The following ERC1 variants were observed in gnomAD, a reference collection of about 807,000 sequenced individuals.
The protein encoded by ERC1 is ELKS/RAB6-interacting/CAST family member 1, also known as RAB6 interacting protein 2.
A neutral mutation model predicts 132.0 loss-of-function variants in ERC1; 56 were observed. The observed-to-expected ratio is 0.42, with a 90% CI of 0.34 to 0.53. The LOEUF (loss-of-function observed/expected upper bound fraction) is 0.53. Among genes scored for constraint, ERC1 ranks in the 20% least tolerant of loss-of-function variants. ERC1 has a pLI of 0.03. For synonymous variants in ERC1, 478 were observed against 476.1 expected (o/e 1.00, Z -0.05); for missense variants, 1,202 against 1,349.9 (o/e 0.89, Z 1.72).
At chr12:1,368,237 A>G (rs2090443464) in intron 15 of ERC1, among the ~76,000 whole-genome samples, 1 of 152,098 alleles carries the variant, frequency 6.6e-6, no homozygotes, top group Admixed American at 6.5e-5. Flanking sequence ...AAATATTTAT[A>G]TCAGTATTAG....
intron 2 of ERC1, among the ~76,000 whole-genome samples, chr12:1,065,510 G>GTGTGTGTGTGTA (rs1938976996): frequency 6.8e-6 from 1 of 147,108 alleles, no homozygotes; most frequent in Non-Finnish European, 1.5e-5. Context: ...GTGTGTGTGT[G>GTGTGTGTGTGTA]TGTGTGTGTG....
intron 15 of ERC1, among the ~76,000 whole-genome samples, chr12:1,304,370 CCAACAGTAGACTT>C (rs2154346555): frequency 6.6e-6 from 1 of 152,288 alleles, no homozygotes; most frequent in East Asian, 1.9e-4. Context: ...CCAGCCTCCC[CCAACAGTAGACTT>C]TTACTCACAT....
chr12:1,340,909 CTT>C (rs1213004364), intron 15 of ERC1, among the ~76,000 whole-genome samples: 3 of 151,946 alleles, frequency 2.0e-5, no homozygotes, highest in African/African-American at 7.3e-5. Context: ...CTAGTACTCT[CTT>C]TTAAGGATGT....
chr12:1,377,109 C>G (rs2088026922), intron 16 of ERC1, among the ~76,000 whole-genome samples: 2 of 152,176 alleles, frequency 1.3e-5, no homozygotes, highest in Non-Finnish European at 2.9e-5. Context: ...TCACTAAGTT[C>G]TTGATGGGAA....
chr12:1,021,399 A>C (rs1259037685), intron 1 of ERC1, among the ~76,000 whole-genome samples: 1 of 151,974 alleles, frequency 6.6e-6, no homozygotes, highest in Non-Finnish European at 1.5e-5. Flanking sequence ...AGGCCTACTT[A>C]CTACTTACTA....
intron 18 of ERC1, among the ~76,000 whole-genome samples, chr12:1,453,960 A>G (rs1357092834): frequency 6.6e-6 from 1 of 152,082 alleles, no homozygotes; most frequent in East Asian, 1.9e-4. Flanking sequence ...TTTTAATGCT[A>G]ATAGATGACT....
At position 1,490,907 on chromosome 12, in the gene ERC1, C is replaced by G. The variant is rs1325098905; in HGVS notation, c.*677C>G. On this transcript the variant is annotated 3_prime_UTR_variant, in exon 19 of 19. Coordinates refer to ENST00000360905, the MANE Select transcript of ERC1 (RefSeq NM_178040.4). ...CCTGTCTGTCGCAGCCTTCCTCACT[C>G]TGTTCCTCGGCCAGTTAACAAGAAG... 8.6e-6 allele frequency: 2 copies of G among 232,712 alleles called. No homozygotes were observed. Among genetic ancestry groups the G allele is most frequent in the Non-Finnish European group, 1.7e-5 (2 of 117,790 alleles). The allele number at this position is 232,712 out of a possible 1,614,324, so 14.4% of individuals were successfully genotyped here.
Position 1,140,196 on chromosome 12 carries a change from C to A in ERC1, c.1570-1424C>A, listed in dbSNP as rs560598428. 2.6e-5 allele frequency among the ~76,000 whole-genome samples: 4 copies of A among 152,204 alleles called. No homozygotes were observed. In the South Asian group the frequency reaches 6.2e-4, roughly 24 times the overall value. On this transcript the variant is annotated intron_variant, in intron 7 of 18. Coordinates refer to ENST00000360905, the MANE Select transcript of ERC1 (RefSeq NM_178040.4). ...GTCCAACATAATTTGTAAGTACTTA[C>A]AGTAGTAGCAAGTACTTATTATAGC...
At chr12:1,181,815 C>T in intron 9 of ERC1, 110 bp from the exon 10 acceptor site, 3 of 1,017,384 alleles carry the variant, frequency 2.9e-6, no homozygotes, top group Non-Finnish European at 4.1e-6. Flanking sequence ...TCTTTAAAAA[C>T]TTACCATTGT....
intron 15 of ERC1, among the ~76,000 whole-genome samples, chr12:1,318,719 G>A (rs2081930814): frequency 6.6e-6 from 1 of 152,116 alleles, no homozygotes; most frequent in African/African-American, 2.4e-5. Context: ...AACCCTGCAG[G>A]TGAAGCTGTC....
intron 17 of ERC1, among the ~76,000 whole-genome samples, chr12:1,409,277 T>C (rs1417752980): frequency 6.6e-6 from 1 of 152,198 alleles, no homozygotes; most frequent in Non-Finnish European, 1.5e-5. Flanking sequence ...CTGCCTGGTG[T>C]CAGCAGTCTT....
chr12:1,352,873 T>C (rs2085144631), intron 15 of ERC1, among the ~76,000 whole-genome samples: 1 of 152,208 alleles, frequency 6.6e-6, no homozygotes, highest in Admixed American at 6.5e-5. Context: ...AATGTGTATT[T>C]ACTCTAGAAT....
chr12:1,468,314 C>T (rs1344302375), intron 18 of ERC1, among the ~76,000 whole-genome samples: 1 of 152,100 alleles, frequency 6.6e-6, no homozygotes, highest in Non-Finnish European at 1.5e-5. Flanking sequence ...TAGAAATAGC[C>T]TGCAGGGGCC....
chr12:1,153,962 A>G (rs1049039190), intron 8 of ERC1, among the ~76,000 whole-genome samples: 3 of 152,114 alleles, frequency 2.0e-5, no homozygotes, highest in Admixed American at 6.6e-5. Context: ...ATTGTATTCA[A>G]TAGGTAATTT....
At position 1,487,755 on chromosome 12, in the gene ERC1, GGCAA is replaced by G. The variant is rs2094251080; in HGVS notation, c.3214-2336_3214-2333del. Among the ~76,000 whole-genome samples, 27 of 92,928 alleles carry G rather than the reference GGCAA, an allele frequency of 2.9e-4. 1 individual carries two copies. In the South Asian group the frequency reaches 9.2e-3, roughly 32 times the overall value. The allele number at this position is 92,928 out of a possible 152,430, so 61.0% of individuals were successfully genotyped here. On this transcript the variant is annotated intron_variant, in intron 18 of 18. Coordinates refer to ENST00000360905, the MANE Select transcript of ERC1 (RefSeq NM_178040.4). Reference sequence around the variant, plus strand: ...AGAGAGAGAGAGGAGAAGGGTAGGAGGCAAGGAGGGAGGGAGGGAGGGAGGAAGG... The same window carrying G: ...AGAGAGAGAGAGGAGAAGGGTAGGAGGGAGGGAGGGAGGGAGGGAGGAAGG...
intron 18 of ERC1, among the ~76,000 whole-genome samples, chr12:1,468,162 T>C (rs978089457): frequency 6.6e-6 from 1 of 152,170 alleles, no homozygotes; most frequent in Non-Finnish European, 1.5e-5. Flanking sequence ...TAAAAGTAAG[T>C]AAGCCACAGA....
intron 8 of ERC1, among the ~76,000 whole-genome samples, chr12:1,164,281 GTTATTTTATT>G (rs1182801381): frequency 0.12 from 15,339 of 124,834 alleles, 1,262 homozygotes; most frequent in Non-Finnish European, 0.16. Context: ...GTTATTTTAT[GTTATTTTATT>G]TTGTTATTTT....
intron 2 of ERC1, among the ~76,000 whole-genome samples, chr12:1,066,693 C>G (rs772105567): frequency 6.6e-6 from 1 of 151,850 alleles, no homozygotes. Flanking sequence ...AAAAATTATC[C>G]GGGTGTGGTG....
At chr12:1,122,932 C>A (rs1024503726) in intron 7 of ERC1, among the ~76,000 whole-genome samples, 16 of 152,030 alleles carry the variant, frequency 1.1e-4, no homozygotes, top group African/African-American at 3.1e-4. Flanking sequence ...CCTCTCTATA[C>A]CTGGGGCAGA....
Sources: allele counts gnomAD v4.1 joint callset (sites outside exome capture counted in the v4.1 genomes callset), GRCh38; gene constraint gnomAD v4.1.1; transcripts MANE v1.5; gene names NCBI Gene and HGNC (gene_info 2026-07-23, HGNC 2026-07-21).